Variants in ESRRG observed in about 807,000 individuals in gnomAD.
The protein encoded by ESRRG is estrogen related receptor gamma.
In ESRRG, 13 loss-of-function variants were observed where a neutral mutation model predicts 44.0. The observed-to-expected ratio is 0.30, with a 90% CI of 0.19 to 0.47. The LOEUF is 0.47. Among genes scored for constraint, ESRRG ranks in the 20% least tolerant of loss-of-function variants. The probability of loss-of-function intolerance (pLI) is 1.00; values close to 1 mark genes in which losing one functional copy is unlikely to be tolerated. For missense variants in ESRRG, 395 were observed against 580.6 expected, an observed-to-expected ratio of 0.68 and a Z score of 3.29; for synonymous variants, 215 against 214.6, an observed-to-expected ratio of 1.00 and a Z score of -0.02.
intron 3 of ESRRG, among the ~76,000 whole-genome samples, chr1:216,606,427 T>C (rs1292070774): frequency 6.6e-6 from 1 of 152,220 alleles, no homozygotes; most frequent in African/African-American, 2.4e-5. Context: ...TTACTCATAG[T>C]CACACTTTAT....
At chr1:216,626,008 T>G (rs1488094353) in intron 3 of ESRRG, among the ~76,000 whole-genome samples, 1 of 152,082 alleles carries the variant, frequency 6.6e-6, no homozygotes, top group Non-Finnish European at 1.5e-5. Context: ...GAGGAAAGAG[T>G]TGTTCATTCT....
rs11572516 is a variant in ESRRG at position 216,919,327 on chromosome 1, C to T, written c.-14+20255G>A. 3.1e-3 allele frequency among the ~76,000 whole-genome samples: 470 copies of T among 152,160 alleles called. 2 individuals are homozygous for T. The highest frequency in any genetic ancestry group is 0.01 in the African/African-American group (430 of 41,510). ...TAGAGAAAATGTCATCCATGTGGCA[C>T]GGATAATTTTATATTCAATTTGTCA... On this transcript the variant is annotated intron_variant, in intron 2 of 7. Transcript: ENST00000359162.
At chr1:216,898,859 C>T (rs958879593) in intron 2 of ESRRG, among the ~76,000 whole-genome samples, 1 of 152,076 alleles carries the variant, frequency 6.6e-6, no homozygotes, top group Admixed American at 6.6e-5. Flanking sequence ...GTCTATGGAA[C>T]ACTGGGATAC....
At chr1:217,062,408 G>A (rs2088736959) in intron 1 of ESRRG, among the ~76,000 whole-genome samples, 1 of 152,068 alleles carries the variant, frequency 6.6e-6, no homozygotes. Context: ...ACACATTTTG[G>A]TGTCAAAGAA....
intron 3 of ESRRG, among the ~76,000 whole-genome samples, chr1:216,589,483 T>C (rs2057280392): frequency 6.6e-6 from 1 of 152,104 alleles, no homozygotes; most frequent in Non-Finnish European, 1.5e-5. Flanking sequence ...TGGATACCCC[T>C]GATGTAGAAT....
chr1:217,001,028 C>G (rs2076972484), intron 1 of ESRRG, among the ~76,000 whole-genome samples: 1 of 152,198 alleles, frequency 6.6e-6, no homozygotes, highest in South Asian at 2.1e-4. Flanking sequence ...AGATCATAAG[C>G]TAAGACCATC....
chr1:216,856,511 C>A (rs2095944006), intron 2 of ESRRG, among the ~76,000 whole-genome samples: 1 of 151,998 alleles, frequency 6.6e-6, no homozygotes, highest in Admixed American at 6.6e-5. Flanking sequence ...TTCAAGCAAC[C>A]CACAAAATAG....
chr1:216,564,221 G>T lies in ESRRG; in HGVS notation c.860C>A (p.Pro287Gln). 6.7e-7 allele frequency: 1 copy of T among 1,494,872 alleles called. No individual in the cohort carries two copies. The highest frequency in any genetic ancestry group is 8.9e-7 in the Non-Finnish European group (1 of 1,119,078). 92.6% of individuals were successfully genotyped at this position (1,494,872 alleles called of 1,614,324 possible). A position where few individuals can be genotyped will look rare whatever the true frequency, so the allele number is the denominator to read the frequency against. Residue 287 changes from proline (P) to glutamine (Q), a missense_variant and splice_region_variant, in exon 5 of 7, where the codon CCA becomes CAA. Physicochemically the swap from Pro to Gln is moderately conservative, Grantham distance 76. This residue lies in a region of ESRRG where 167 missense variants were observed against 251.8 expected (regional missense o/e 0.66). Coordinates refer to ENST00000408911, the MANE Select transcript of ESRRG (RefSeq NM_001438.4). ...CTTTTTCTTTTCAGAAAATGTACCT[G>T]GAATATGCTTCGCCCATCCAATGAT... Reference protein sequence around the residue: ...VVIIGWAKHIPGFSTLSLADQ... With the variant: ...VVIIGWAKHIQGFSTLSLADQ...
rs573165373 is a variant in ESRRG, at chr1:216,503,571, T to G, written c.*3368A>C. On this transcript the variant is annotated 3_prime_UTR_variant, in exon 7 of 7. Transcript: ENST00000408911. Reference sequence around the variant, plus strand: ...CCTGGATTATTATAAGCAGTTTAAATTTTTTGTCCTTTTACGATCTTTGCA... The same window carrying G: ...CCTGGATTATTATAAGCAGTTTAAAGTTTTTGTCCTTTTACGATCTTTGCA... 1.3e-5 allele frequency: 2 copies of G among 152,638 alleles called. No individual in the cohort carries two copies. The highest frequency in any genetic ancestry group is 4.2e-4 in the South Asian group (2 of 4,816). The allele number at this position is 152,638 out of a possible 1,614,324, so 9.5% of individuals were successfully genotyped here.
chr1:216,857,753 T>C (rs1444712688), intron 2 of ESRRG, among the ~76,000 whole-genome samples: 1 of 151,098 alleles, frequency 6.6e-6, no homozygotes, highest in African/African-American at 2.4e-5. Context: ...CCTTCATTCT[T>C]AGCAATATAA....
At chr1:217,065,374 G>A (rs1486750240) in intron 1 of ESRRG, among the ~76,000 whole-genome samples, 1 of 152,282 alleles carries the variant, frequency 6.6e-6, no homozygotes. Flanking sequence ...TATGACTTTC[G>A]ATGTGGCATT....
At chr1:216,694,639 C>T (rs183648088) in intron 1 of ESRRG, among the ~76,000 whole-genome samples, 79 of 152,142 alleles carry the variant, frequency 5.2e-4, no homozygotes, top group Non-Finnish European at 9.0e-4. Flanking sequence ...TTACTGAAGC[C>T]TCTTGACCTT....
At chr1:216,976,056 G>A (rs2072814391) in intron 1 of ESRRG, among the ~76,000 whole-genome samples, 1 of 152,036 alleles carries the variant, frequency 6.6e-6, no homozygotes, top group Admixed American at 6.6e-5. Context: ...AGCAGGTTAA[G>A]CAATTATCTA....
Position 217,010,916 on chromosome 1 carries a change from C to T in ESRRG, c.-105-71243G>A, listed in dbSNP as rs112316555. On this transcript the variant is annotated intron_variant, in intron 1 of 7. Transcript: ENST00000359162. ...AATATTAGCCCCTTACCTCCTTACCCATCCCTTGAGACAGATTAGATCTTA... is the reference window on the plus strand; with the variant it reads ...AATATTAGCCCCTTACCTCCTTACCTATCCCTTGAGACAGATTAGATCTTA... Among the ~76,000 whole-genome samples, 723 of 152,270 alleles carry T rather than the reference C, an allele frequency of 4.7e-3. 2 individuals are homozygous for T. The highest frequency in any genetic ancestry group is 0.017 in the Middle Eastern group (5 of 294).
chr1:216,834,870 G>A (rs1292213828), intron 2 of ESRRG, among the ~76,000 whole-genome samples: 4 of 152,180 alleles, frequency 2.6e-5, no homozygotes, highest in Non-Finnish European at 5.9e-5. Flanking sequence ...ATTAAATACA[G>A]CAGAAAGCAC....
At position 216,762,711 on chromosome 1, in the gene ESRRG, A is replaced by AAAATAAATAAATAAATAAATAAAT. The variant is rs768532140; in HGVS notation, c.-13-85221_-13-85220insATTTATTTATTTATTTATTTATTT. 5.5e-3 allele frequency among the ~76,000 whole-genome samples: 830 copies of AAAATAAATAAATAAATAAATAAAT among 151,604 alleles called. 5 individuals carry two copies. The highest frequency in any genetic ancestry group is 8.1e-3 in the Non-Finnish European group (551 of 67,850). On this transcript the variant is annotated intron_variant, in intron 2 of 7. Transcript: ENST00000359162. ...CCTAAAACTTAAAGTATAATAATAA[A>AAAATAAATAAATAAATAAATAAAT]AAATAAATAAATAAATAAATAAAAA...
intron 1 of ESRRG, among the ~76,000 whole-genome samples, chr1:216,955,684 T>C (rs910310370): frequency 3.3e-5 from 5 of 152,168 alleles, no homozygotes; most frequent in Non-Finnish European, 4.4e-5. Context: ...ACTTCCCTTT[T>C]CTCTGCATCC....
At chr1:216,547,086 T>C (rs1317339866) in intron 5 of ESRRG, among the ~76,000 whole-genome samples, 1 of 152,060 alleles carries the variant, frequency 6.6e-6, no homozygotes, top group Non-Finnish European at 1.5e-5. Flanking sequence ...CTTTGAGATC[T>C]CAGGCAAGTT....
At chr1:216,516,636 TACACACAC>T (rs779496209) in intron 6 of ESRRG, among the ~76,000 whole-genome samples, 10 of 130,444 alleles carry the variant, frequency 7.7e-5, no homozygotes, top group East Asian at 2.4e-4. Context: ...CACACACACA[TACACACAC>T]ACACACACAC....
Sources: gnomAD v4.1 joint callset for allele counts (sites outside exome capture counted in the v4.1 genomes callset) on GRCh38, gnomAD v4.1.1 for gene constraint, gnomAD v4.1.1 regional missense constraint, MANE v1.5 for transcripts, NCBI Gene and HGNC (gene_info 2026-07-23, HGNC 2026-07-21) for gene names.